The following TMEM40 variants were observed in gnomAD, a reference collection of about 807,000 sequenced individuals.
TMEM40 encodes transmembrane protein 40.
A neutral mutation model predicts 40.8 loss-of-function variants in TMEM40; 34 were observed. That is an observed-to-expected ratio of 0.83 (90% confidence interval 0.63 to 1.11). TMEM40 has a LOEUF of 1.11. Among genes scored for constraint, TMEM40 ranks in the 50% least tolerant of loss-of-function variants. The pLI, the probability that TMEM40 is intolerant of heterozygous loss-of-function variation, is 0.00. For synonymous variants in TMEM40, 106 were observed against 107.0 expected, an observed-to-expected ratio of 0.99 and a Z score of 0.06; for missense variants, 296 against 280.2, an observed-to-expected ratio of 1.06 and a Z score of -0.40.
chr3:12,757,139 G>T (rs937211847), intron 1 of TMEM40, among the ~76,000 whole-genome samples: 1 of 152,232 alleles, frequency 6.6e-6, no homozygotes, highest in South Asian at 2.1e-4. Context: ...GACATTTCTC[G>T]AAAGAAGACA....
rs754334946 is a variant in TMEM40 at position 12,749,716 on chromosome 3, C to T, written c.73+44G>A. ...TGTCCCTTCTACTTTTGGACTCCAC[C>T]TCCCATGTGGTTTTGCCCAGAGGGT... On this transcript the variant is annotated intron_variant, in intron 2 of 11. Coordinates refer to ENST00000314124, the MANE Select transcript of TMEM40 (RefSeq NM_018306.4). 6.3e-6 allele frequency: 10 copies of T among 1,583,776 alleles called. No individual in the cohort carries two copies. The East Asian group carries it at 2.0e-4, about 32-fold the overall frequency.
chr3:12,746,086 C>A (rs758041536), intron 3 of TMEM40, among the ~76,000 whole-genome samples: 12 of 151,564 alleles, frequency 7.9e-5, no homozygotes, highest in Non-Finnish European at 1.3e-4. Context: ...TTATTAGAGA[C>A]GAGGTTTCAC....
intron 1 of TMEM40, among the ~76,000 whole-genome samples, chr3:12,767,989 G>C (rs891149324): frequency 6.6e-6 from 1 of 152,190 alleles, no homozygotes; most frequent in Non-Finnish European, 1.5e-5. Context: ...AGAGACCACA[G>C]TGTGTCTGGA....
At chr3:12,735,980 A>G (rs537100920) in intron 10 of TMEM40, among the ~76,000 whole-genome samples, 2 of 151,748 alleles carry the variant, frequency 1.3e-5, no homozygotes, top group African/African-American at 2.4e-5. Context: ...TCTTGCCCCA[A>G]TCTCCTGAGT....
At chr3:12,736,392 C>G (rs1474052228) in intron 10 of TMEM40, among the ~76,000 whole-genome samples, 186 bp downstream of exon 10, 1 of 152,084 alleles carries the variant, frequency 6.6e-6, no homozygotes, top group Non-Finnish European at 1.5e-5. Context: ...TCAGGTGATC[C>G]ACACACCTCA....
intron 1 of TMEM40, among the ~76,000 whole-genome samples, chr3:12,768,779 C>T (rs1008590701): frequency 8.5e-5 from 13 of 152,258 alleles, no homozygotes; most frequent in South Asian, 2.1e-4. Context: ...CTGCCAGTCC[C>T]GCGCAGTGCT....
Position 12,738,561 on chromosome 3 carries a change from C to T in TMEM40, c.383G>A (p.Gly128Glu). Reference protein sequence around the residue: ...GDAPGEVVPSGESGLRRRGSD... With the variant: ...GDAPGEVVPSEESGLRRRGSD... The stretch of plus-strand genomic sequence containing the variant: ...TCTAACTGGACACTCACCTGATTCC[C>T]CAGAGGGTACCACCTCTCCAGGAGC... The change falls in exon 6 of 12, where the codon GGG becomes GAG. Residue 128 changes from glycine to glutamate, a missense_variant. Coordinates refer to ENST00000314124, the MANE Select transcript of TMEM40 (RefSeq NM_018306.4). The T allele has an allele frequency of 6.2e-7, 1 of 1,614,044 alleles. No homozygotes were observed. Among genetic ancestry groups the T allele is most frequent in the Non-Finnish European group, 8.5e-7 (1 of 1,180,012 alleles).
rs1559533142 is a variant in TMEM40, at chr3:12,755,190, C to CTTT, written c.-9+4000_-9+4001insAAA. Among the ~76,000 whole-genome samples, 24 of 113,592 alleles carry CTTT rather than the reference C, an allele frequency of 2.1e-4. 1 individual carries two copies. Among genetic ancestry groups the CTTT allele is most frequent in the African/African-American group, 7.3e-4 (19 of 25,894 alleles). 74.5% of individuals were successfully genotyped at this position (113,592 alleles called of 152,430 possible). On this transcript the variant is annotated intron_variant, in intron 1 of 11. Coordinates refer to ENST00000314124, the MANE Select transcript of TMEM40 (RefSeq NM_018306.4). ...TTTCTTTCTCTCTCTCTCCTTCCTT[C>CTTT]CTTCCTTCCTTTCTTTCTTTCTTTC...
chr3:12,742,592 G>C (rs2061392730), intron 4 of TMEM40, 85 bp from the exon 5 acceptor site: 2 of 1,502,844 alleles, frequency 1.3e-6, no homozygotes, highest in Admixed American at 3.4e-5. Context: ...CGACGCTTAA[G>C]AAGTACCACA....
upstream of TMEM40, among the ~76,000 whole-genome samples, chr3:12,760,623 C>T (rs1028595328): frequency 2.6e-5 from 4 of 152,226 alleles, no homozygotes; most frequent in African/African-American, 7.2e-5. Context: ...CCAGCTTTCC[C>T]TCTGCCTGCT....
At chr3:12,766,018 C>T (rs149958637) in intron 1 of TMEM40, among the ~76,000 whole-genome samples, 225 of 151,958 alleles carry the variant, frequency 1.5e-3, no homozygotes, top group African/African-American at 5.1e-3. Context: ...CACCTGCGCC[C>T]GGCTAATTTT....
chr3:12,753,959 T>A (rs112040052), intron 1 of TMEM40, among the ~76,000 whole-genome samples: 88 of 152,158 alleles, frequency 5.8e-4, no homozygotes, highest in Non-Finnish European at 4.7e-4. Context: ...CTCTCTTGAC[T>A]CTCACACAAC....
At chr3:12,754,222 G>A (rs528112141) in intron 1 of TMEM40, among the ~76,000 whole-genome samples, 1 of 152,292 alleles carries the variant, frequency 6.6e-6, no homozygotes, top group South Asian at 2.1e-4. Context: ...TGAGGAAGGA[G>A]AATGGCGTGA....
rs376597074 is a variant in TMEM40, at chr3:12,742,438, C to T, written c.355+16G>A. 1 of 1,612,976 alleles carries T rather than the reference C, an allele frequency of 6.2e-7. No homozygotes were observed. ...CGTCTAATTGTTTTCTCCAAAGCTACTGGGCAACTGATTACCTCCATAGAG... is the reference window on the plus strand; with the variant it reads ...CGTCTAATTGTTTTCTCCAAAGCTATTGGGCAACTGATTACCTCCATAGAG... On this transcript the variant is annotated intron_variant, in intron 5 of 11. Coordinates refer to ENST00000314124, the MANE Select transcript of TMEM40 (RefSeq NM_018306.4).
chr3:12,737,684 C>G, intron 8 of TMEM40, 23 bp downstream of exon 8: 1 of 1,613,422 alleles, frequency 6.2e-7, no homozygotes, highest in Non-Finnish European at 8.5e-7. Context: ...GAAAAAGCAG[C>G]TCTGCTACAC....
Position 12,749,797 on chromosome 3 carries a change from G to T in TMEM40, c.36C>A (p.Asp12Glu), listed in dbSNP as rs775983882. 4.4e-5 allele frequency: 71 copies of T among 1,613,942 alleles called. No homozygotes were observed. The highest frequency in any genetic ancestry group is 5.8e-5 in the Non-Finnish European group (69 of 1,180,014). ...ETSASSSQPQ[D>E]NSQVHRETED... is the part of the protein sequence containing the mutation. ...CTGTTTCTCTGTGGACTTGACTGTT[G>T]TCCTGAGGCTGGGAGGAGGATGCTG... The change falls in exon 2 of 12, where the codon GAC (aspartate) becomes GAA (glutamate). Residue 12 changes from aspartate to glutamate, a missense_variant. Physicochemically the swap from Asp to Glu is conservative, Grantham distance 45. Transcript: ENST00000314124.
Position 12,749,813 on chromosome 3 carries a change from G to A in TMEM40, c.20C>T (p.Ser7Phe), listed in dbSNP as rs376280227. 1.9e-6 allele frequency: 3 copies of A among 1,614,074 alleles called. No homozygotes were observed. Among genetic ancestry groups the A allele is most frequent in the Non-Finnish European group, 2.5e-6 (3 of 1,180,042 alleles). Residue 7 changes from serine (S) to phenylalanine (F), a missense_variant, in exon 2 of 12, where the codon TCC becomes TTC. Physicochemically the swap from Ser to Phe is radical, Grantham distance 155. Coordinates refer to ENST00000314124, the MANE Select transcript of TMEM40 (RefSeq NM_018306.4). ...TTGACTGTTGTCCTGAGGCTGGGAGGAGGATGCTGAAGTCTCCATGGCTTT... is the reference window on the plus strand; with the variant it reads ...TTGACTGTTGTCCTGAGGCTGGGAGAAGGATGCTGAAGTCTCCATGGCTTT... METSAS[S>F]SQPQDNSQVH...
chr3:12,745,226 A>ATT (rs144839288), intron 3 of TMEM40, among the ~76,000 whole-genome samples: 14 of 127,100 alleles, frequency 1.1e-4, no homozygotes, highest in African/African-American at 3.4e-4. Context: ...CACCTGGCTA[A>ATT]TTTTTTTTTT....
chr3:12,763,033 T>G (rs1233309846), upstream of TMEM40, among the ~76,000 whole-genome samples: 9 of 150,596 alleles, frequency 6.0e-5, no homozygotes, highest in Admixed American at 1.3e-4. Context: ...GGTGGCGGGC[T>G]CCCGTAGTCC....
Sources: gnomAD v4.1 joint callset for allele counts (sites outside exome capture counted in the v4.1 genomes callset) on GRCh38, gnomAD v4.1.1 for gene constraint, MANE v1.5 for transcripts, NCBI Gene and HGNC (gene_info 2026-07-23, HGNC 2026-07-21) for gene names.